The following CSMD1 variants were observed in gnomAD, a reference collection of about 807,000 sequenced individuals.
CSMD1 encodes the protein CUB and Sushi multiple domains 1.
A neutral mutation model predicts 417.5 loss-of-function variants in CSMD1; 213 were observed. The observed-to-expected ratio is 0.51, with a 90% CI of 0.46 to 0.57. The LOEUF (loss-of-function observed/expected upper bound fraction) is 0.57, where lower values mean the gene tolerates loss of function less well. Ranked by LOEUF, CSMD1 falls within the 20% of genes least tolerant of loss-of-function variation. The pLI is 0.00. For synonymous variants in CSMD1, 2,862 were observed against 1,736.8 expected (o/e 1.65, Z -16.11); for missense variants, 6,923 against 4,529.7 (o/e 1.53, Z -15.17).
intron 11 of CSMD1, among the ~76,000 whole-genome samples, chr8:3,492,200 C>G (rs1286204459): frequency 1.3e-5 from 2 of 152,138 alleles, no homozygotes; most frequent in East Asian, 1.9e-4. Context: ...TGATTATTCT[C>G]CATTGCTTCA....
chr8:2,962,884 C>A (rs1803623134), intron 60 of CSMD1, among the ~76,000 whole-genome samples: 1 of 152,130 alleles, frequency 6.6e-6, no homozygotes, highest in Admixed American at 6.5e-5. Flanking sequence ...CCTATGTCTA[C>A]AACAAATACA....
chr8:3,650,730 C>A (rs759196812), intron 7 of CSMD1, among the ~76,000 whole-genome samples: 1 of 152,164 alleles, frequency 6.6e-6, no homozygotes, highest in Non-Finnish European at 1.5e-5. Flanking sequence ...CGACTCAATT[C>A]GATGACTTCT....
chr8:4,118,166 G>A (rs1585351441), intron 3 of CSMD1, among the ~76,000 whole-genome samples: 1 of 152,024 alleles, frequency 6.6e-6, no homozygotes, highest in Admixed American at 6.6e-5. Context: ...GAGCAGAGGG[G>A]TGTGTTGGTA....
intron 6 of CSMD1, among the ~76,000 whole-genome samples, chr8:3,724,518 T>C (rs372273255): frequency 5.3e-5 from 8 of 152,110 alleles, no homozygotes; most frequent in African/African-American, 1.9e-4. Flanking sequence ...TTTGGGATTT[T>C]CAACCATTTT....
intron 1 of CSMD1, among the ~76,000 whole-genome samples, chr8:4,705,594 C>T (rs2116839107): frequency 6.6e-6 from 1 of 152,262 alleles, no homozygotes; most frequent in African/African-American, 2.4e-5. Context: ...ACTTATTGAA[C>T]AGATATTTTT....
chr8:4,275,139 A>G (rs567964594), intron 3 of CSMD1, among the ~76,000 whole-genome samples: 70 of 152,318 alleles, frequency 4.6e-4, no homozygotes, highest in Non-Finnish European at 9.0e-4. Context: ...ATAGTCAATA[A>G]AAGAGTAGCT....
intron 5 of CSMD1, among the ~76,000 whole-genome samples, chr8:3,755,206 C>T (rs1797590966): frequency 6.6e-6 from 1 of 152,172 alleles, no homozygotes; most frequent in African/African-American, 2.4e-5. Context: ...GATTAGGATG[C>T]TTCTGATACA....
At chr8:4,381,619 C>A (rs187881230) in intron 3 of CSMD1, among the ~76,000 whole-genome samples, 98 of 152,294 alleles carry the variant, frequency 6.4e-4, no homozygotes, top group African/African-American at 2.3e-3. Context: ...TGAACACCCA[C>A]TGATCCCTCC....
intron 56 of CSMD1, 43 bp downstream of exon 56, chr8:2,974,408 T>C (rs779757490): frequency 2.1e-6 from 3 of 1,456,468 alleles, no homozygotes; most frequent in Non-Finnish European, 2.8e-6. Context: ...TGAAAAGTTA[T>C]TTGAAATCTG....
chr8:3,591,770 GAGAT>G (rs1204207544), intron 8 of CSMD1, among the ~76,000 whole-genome samples: 1 of 150,900 alleles, frequency 6.6e-6, no homozygotes, highest in Non-Finnish European at 1.5e-5. Flanking sequence ...GATAGACAAA[GAGAT>G]GGATGGATGG....
chr8:4,391,552 G>T (rs11779254), intron 3 of CSMD1, among the ~76,000 whole-genome samples: 1 of 151,838 alleles, frequency 6.6e-6, no homozygotes, highest in East Asian at 2.0e-4. Flanking sequence ...GCTCAGAGTA[G>T]GTAAGACTTG....
At chr8:4,531,875 A>G (rs190288608) in intron 2 of CSMD1, among the ~76,000 whole-genome samples, 142 of 152,240 alleles carry the variant, frequency 9.3e-4, no homozygotes, top group African/African-American at 3.3e-3. Flanking sequence ...TCACTCCGGA[A>G]GAGAAATCCT....
chr8:4,166,690 G>C (rs371466698), intron 3 of CSMD1, among the ~76,000 whole-genome samples: 90 of 152,148 alleles, frequency 5.9e-4, no homozygotes, highest in African/African-American at 2.0e-3. Flanking sequence ...CCAAAATCAA[G>C]AAAATCAGCT....
chr8:4,757,711 C>T (rs10088216), intron 1 of CSMD1, among the ~76,000 whole-genome samples: 1 of 152,078 alleles, frequency 6.6e-6, no homozygotes, highest in Admixed American at 6.6e-5. Context: ...GTAATCCTAT[C>T]ACTTTGGGAG....
At chr8:3,638,507 T>G (rs1314815670) in intron 7 of CSMD1, among the ~76,000 whole-genome samples, 1 of 152,054 alleles carries the variant, frequency 6.6e-6, no homozygotes, top group African/African-American at 2.4e-5. Flanking sequence ...ATGACAAGAT[T>G]CCTAAATATA....
intron 7 of CSMD1, among the ~76,000 whole-genome samples, chr8:3,672,462 T>G (rs1473423932): frequency 1.3e-5 from 2 of 152,188 alleles, no homozygotes; most frequent in Admixed American, 1.3e-4. Flanking sequence ...TTTCAAATGT[T>G]CAAAACACGT....
At chr8:4,235,884 C>G (rs1802018027) in intron 3 of CSMD1, among the ~76,000 whole-genome samples, 1 of 152,184 alleles carries the variant, frequency 6.6e-6, no homozygotes, top group Admixed American at 6.5e-5. Flanking sequence ...GCGGAACCGG[C>G]TGACACATCC....
chr8:3,838,308 G>A (rs986735043), intron 5 of CSMD1, among the ~76,000 whole-genome samples: 2 of 151,918 alleles, frequency 1.3e-5, no homozygotes, highest in East Asian at 1.9e-4. Context: ...AGGCAAGGCA[G>A]GAGGATTGCT....
chr8:4,453,521 T>C (rs945740634), intron 2 of CSMD1, among the ~76,000 whole-genome samples: 1 of 152,176 alleles, frequency 6.6e-6, no homozygotes, highest in Non-Finnish European at 1.5e-5. Flanking sequence ...TTGCATCAGA[T>C]TCCTGCAGAG....
Sources: allele counts gnomAD v4.1 joint callset (sites outside exome capture counted in the v4.1 genomes callset), GRCh38; gene constraint gnomAD v4.1.1; transcripts MANE v1.5; gene names NCBI Gene and HGNC (gene_info 2026-07-23, HGNC 2026-07-21).